TLE5: variants seen among roughly 807,000 people sequenced by gnomAD.
TLE5 encodes TLE family member 5, transcriptional modulator.
TLE5 carries 7 observed loss-of-function variants against 25.8 expected under a neutral mutation model. The observed-to-expected ratio is 0.27, with a 90% CI of 0.15 to 0.51. The LOEUF is 0.51. Ranked by LOEUF, TLE5 falls within the 20% of genes least tolerant of loss-of-function variation. The pLI, the probability that TLE5 is intolerant of heterozygous loss-of-function variation, is 0.97. For synonymous variants in TLE5, 132 were observed against 110.5 expected (o/e 1.20, Z -1.22); for missense variants, 149 against 250.7 (o/e 0.59, Z 2.74).
At position 3,057,762 on chromosome 19, in the gene TLE5, A is replaced by C; in HGVS notation, c.126-20T>G. On this transcript the variant is annotated intron_variant, in intron 2 of 6. Coordinates refer to ENST00000327141, the MANE Select transcript of TLE5 (RefSeq NM_001130.6). ...TTGAGGCTGAGGAGGCACAGGGGGGAGATGGGGTGGTTAGTGGCGGCTGGG... is the reference window on the plus strand; with the variant it reads ...TTGAGGCTGAGGAGGCACAGGGGGGCGATGGGGTGGTTAGTGGCGGCTGGG... 1.2e-6 allele frequency: 2 copies of C among 1,612,506 alleles called. No individual in the cohort carries two copies. Among genetic ancestry groups the C allele is most frequent in the Non-Finnish European group, 1.7e-6 (2 of 1,179,496 alleles).
chr19:3,057,885 AT>A (rs1008506579), intron 2 of TLE5, 143 bp from the exon 3 acceptor site: 1,504 of 688,394 alleles, frequency 2.2e-3, no homozygotes, highest in Non-Finnish European at 2.5e-3. Context: ...TCAAGCAATA[AT>A]TTTTTTTTTA....
chr19:3,056,264 G>A (rs1413049396), intron 4 of TLE5, 48 bp downstream of exon 4: 1 of 1,347,744 alleles, frequency 7.4e-7, no homozygotes, highest in Non-Finnish European at 1.0e-6. Flanking sequence ...GGTGGGGGGA[G>A]GAGGGGGAAG....
chr19:3,055,881 G>T, intron 4 of TLE5, 155 bp from the exon 5 acceptor site: 1 of 719,172 alleles, frequency 1.4e-6, no homozygotes, highest in Non-Finnish European at 2.2e-6. Context: ...AGCCGTGTTC[G>T]GGCCCGAGGG....
chr19:3,061,129 G>T, intron 2 of TLE5, 31 bp downstream of exon 2: 1 of 1,545,530 alleles, frequency 6.5e-7, no homozygotes, highest in Non-Finnish European at 8.9e-7. Flanking sequence ...CACATTCTCG[G>T]GACGCAGGGA....
chr19:3,056,908 G>GT, intron 3 of TLE5: 1 of 200,640 alleles, frequency 5.0e-6, no homozygotes, highest in Non-Finnish European at 1.1e-5. Flanking sequence ...CCTTCACGTA[G>GT]TTTCTCTGTC....
chr19:3,054,086 T>TGGGGGGGGGGGGGCCCCCCCC, intron 6 of TLE5, 34 bp downstream of exon 6: 2 of 1,512,814 alleles, frequency 1.3e-6, no homozygotes, highest in Non-Finnish European at 8.9e-7. Context: ...GGCCCACCTG[T>TGGGGGGGGGGGGGCCCCCCCC]CCCCCGCCCA....
upstream of TLE5, chr19:3,062,785 G>A: frequency 6.5e-7 from 1 of 1,549,706 alleles, no homozygotes; most frequent in Non-Finnish European, 8.7e-7. Flanking sequence ...CCCTGCTGTG[G>A]CACGACCTGG....
At chr19:3,062,657 C>A, upstream of TLE5, 2 of 1,322,880 alleles carry the variant, frequency 1.5e-6, no homozygotes, top group South Asian at 3.8e-5. Flanking sequence ...TTGGGCCCGG[C>A]CCGCCCCCGC....
At chr19:3,057,283 T>C (rs1483570192) in intron 3 of TLE5, among the ~76,000 whole-genome samples, 2 of 152,208 alleles carry the variant, frequency 1.3e-5, no homozygotes, top group African/African-American at 4.8e-5. Context: ...GCTTCTTCTT[T>C]GAGCTCGGGC....
Position 3,056,360 on chromosome 19 carries a change from T to G in TLE5, c.190-4A>C, listed in dbSNP as rs2145258039. The G allele has an allele frequency of 1.7e-6, 2 of 1,158,600 alleles. No individual in the cohort carries two copies. The highest frequency in any genetic ancestry group is 2.2e-6 in the Non-Finnish European group (2 of 898,088). The allele number at this position is 1,158,600 out of a possible 1,614,324, so 71.8% of individuals were successfully genotyped here. A position where few individuals can be genotyped will look rare whatever the true frequency, so the allele number is the denominator to read the frequency against. On this transcript the variant is annotated splice_polypyrimidine_tract_variant and splice_region_variant and intron_variant, in intron 3 of 6. Transcript: ENST00000327141. ...AGCCGTAGGACATCTCGTAGTACTG[T>G]ATGGGGGAGAGAGAGGGGGAGCGGG... is the stretch of plus-strand genomic sequence containing the variant.
At position 3,053,492 on chromosome 19, in the gene TLE5, G is replaced by A; in HGVS notation, c.*327C>T. The A allele has an allele frequency of 2.4e-6, 1 of 410,554 alleles. No individual in the cohort carries two copies. Among genetic ancestry groups the A allele is most frequent in the Non-Finnish European group, 4.4e-6 (1 of 225,380 alleles). The allele number at this position is 410,554 out of a possible 1,614,324, so 25.4% of individuals were successfully genotyped here. A position where few individuals can be genotyped will look rare whatever the true frequency, so the allele number is the denominator to read the frequency against. ...TACACATGTTCAAAACGGGGGAAGGGCCGGGGCTGCTGCGCTTCGCGAGGT... is the reference window on the plus strand; with the variant it reads ...TACACATGTTCAAAACGGGGGAAGGACCGGGGCTGCTGCGCTTCGCGAGGT... On this transcript the variant is annotated 3_prime_UTR_variant, in exon 7 of 7. Coordinates refer to ENST00000327141, the MANE Select transcript of TLE5 (RefSeq NM_001130.6).
chr19:3,057,776 G>C lies in TLE5; in HGVS notation c.126-34C>G, dbSNP rs758136090. 6 of 1,608,280 alleles carry C rather than the reference G, an allele frequency of 3.7e-6. No homozygotes were observed. In the East Asian group the frequency reaches 1.3e-4, roughly 36 times the overall value. On this transcript the variant is annotated intron_variant, in intron 2 of 6. Coordinates refer to ENST00000327141, the MANE Select transcript of TLE5 (RefSeq NM_001130.6). ...GCACAGGGGGGAGATGGGGTGGTTA[G>C]TGGCGGCTGGGCGGGAGCCCCCCAC...
At chr19:3,058,810 C>T (rs1317185960) in intron 2 of TLE5, among the ~76,000 whole-genome samples, 1 of 152,110 alleles carries the variant, frequency 6.6e-6, no homozygotes, top group Non-Finnish European at 1.5e-5. Flanking sequence ...TACTTAAATC[C>T]AACCCAGCAC....
In TLE5 at chr19:3,056,307, C is replaced by A; in HGVS notation, c.234+5G>T. On this transcript the variant is annotated splice_donor_5th_base_variant and intron_variant, in intron 4 of 6. Coordinates refer to ENST00000327141, the MANE Select transcript of TLE5 (RefSeq NM_001130.6). Reference sequence around the variant, plus strand: ...AGGAGGAGGAGGAGGAGGAGATGGGCGTACCTGTTTGTGCATCTCGATGTT... The same window carrying A: ...AGGAGGAGGAGGAGGAGGAGATGGGAGTACCTGTTTGTGCATCTCGATGTT... 1 of 1,515,182 alleles carries A rather than the reference C, an allele frequency of 6.6e-7. No individual in the cohort carries two copies. The highest frequency in any genetic ancestry group is 8.8e-7 in the Non-Finnish European group (1 of 1,130,620). The allele number at this position is 1,515,182 out of a possible 1,614,324, so 93.9% of individuals were successfully genotyped here.
chr19:3,055,917 C>T, intron 4 of TLE5, 191 bp from the exon 5 acceptor site: 1 of 565,584 alleles, frequency 1.8e-6, no homozygotes, highest in Non-Finnish European at 3.1e-6. Context: ...AAAGGTGGGG[C>T]TGGACACCGG....
chr19:3,062,111 G>A (rs1599276306), intron 1 of TLE5, 63 bp downstream of exon 1: 1 of 916,348 alleles, frequency 1.1e-6, no homozygotes, highest in Non-Finnish European at 1.4e-6. Flanking sequence ...GCCGGGAGCC[G>A]GGGGTCGGGG....
chr19:3,054,561 ACAACCTGCC>A (rs1005759002), intron 5 of TLE5: 4 of 335,044 alleles, frequency 1.2e-5, no homozygotes, highest in African/African-American at 8.4e-5. Flanking sequence ...TGTGCAGTAC[ACAACCTGCC>A]CAACTGTACA....
At chr19:3,056,231 G>C (rs1221536553) in intron 4 of TLE5, 81 bp downstream of exon 4, 1 of 1,078,406 alleles carries the variant, frequency 9.3e-7, no homozygotes, top group Non-Finnish European at 1.3e-6. Context: ...TACCTGCCTG[G>C]GGGTGCCCAA....
At chr19:3,058,698 C>A (rs936932515) in intron 2 of TLE5, among the ~76,000 whole-genome samples, 4 of 152,190 alleles carry the variant, frequency 2.6e-5, no homozygotes, top group African/African-American at 2.4e-5. Context: ...TTTCTCAAAG[C>A]CCCCATGAGG....
Sources: gnomAD v4.1 joint callset for allele counts (sites outside exome capture counted in the v4.1 genomes callset) on GRCh38, gnomAD v4.1.1 for gene constraint, MANE v1.5 for transcripts, NCBI Gene and HGNC (gene_info 2026-07-23, HGNC 2026-07-21) for gene names.